The following PDE3B variants were observed in gnomAD, a reference collection of about 807,000 sequenced individuals.
PDE3B encodes cGMP-inhibited 3',5'-cyclic phosphodiesterase 3B.
Under a neutral mutation model 116.8 loss-of-function variants are expected in PDE3B, and 66 were observed. The ratio of observed to expected loss-of-function variants is 0.56; its 90% CI spans 0.46 to 0.69. The LOEUF is 0.69. Ranked by LOEUF, PDE3B falls within the 30% of genes least tolerant of loss-of-function variation. PDE3B has a pLI of 0.00. For missense variants in PDE3B, 1,384 were observed against 1,368.1 expected (o/e 1.01, Z -0.18); for synonymous variants, 595 against 533.6 (o/e 1.12, Z -1.59).
intron 1 of PDE3B, among the ~76,000 whole-genome samples, chr11:14,732,082 G>A (rs1466753275): frequency 1.3e-5 from 2 of 152,130 alleles, no homozygotes; most frequent in African/African-American, 2.4e-5. Context: ...ATGGGAAGGA[G>A]ACATGCGGAT....
At chr11:14,795,999 A>G (rs1475473889) in intron 4 of PDE3B, among the ~76,000 whole-genome samples, 2 of 151,948 alleles carry the variant, frequency 1.3e-5, no homozygotes, top group African/African-American at 4.8e-5. Context: ...TACATTAGAT[A>G]TTTCTCCTAA....
chr11:14,807,276 G>A (rs1858968601), intron 5 of PDE3B, among the ~76,000 whole-genome samples: 1 of 151,738 alleles, frequency 6.6e-6, no homozygotes, highest in African/African-American at 2.4e-5. Flanking sequence ...AAAATTGATG[G>A]GTAAACACAA....
At chr11:14,740,751 CCT>C (rs1372757901) in intron 1 of PDE3B, among the ~76,000 whole-genome samples, 1 of 151,998 alleles carries the variant, frequency 6.6e-6, no homozygotes, top group African/African-American at 2.4e-5. Context: ...TCTGTAAATT[CCT>C]CTCTAAACAC....
the PDE3B span, chr11:14,885,932 G>GA: frequency 6.2e-7 from 1 of 1,611,920 alleles, no homozygotes; most frequent in Non-Finnish European, 8.5e-7. Context: ...GAGAAGAGAA[G>GA]AAAAACAACA....
intron 1 of PDE3B, among the ~76,000 whole-genome samples, chr11:14,662,739 G>A (rs564142521): frequency 5.3e-5 from 8 of 152,268 alleles, no homozygotes; most frequent in African/African-American, 9.6e-5. Context: ...GAACTGAAGC[G>A]AGAAGGGAAG....
chr11:14,831,801 T>A (rs774230845), intron 9 of PDE3B, 24 bp downstream of exon 9: 4 of 1,550,354 alleles, frequency 2.6e-6, no homozygotes, highest in Non-Finnish European at 3.5e-6. Context: ...TATCTACTTT[T>A]TAACTGTAAA....
At chr11:14,712,603 T>G (rs1855742787) in intron 1 of PDE3B, among the ~76,000 whole-genome samples, 1 of 150,596 alleles carries the variant, frequency 6.6e-6, no homozygotes, top group East Asian at 2.0e-4. Flanking sequence ...GCCTCCCGAG[T>G]AGCTCGGCTT....
chr11:14,721,476 T>C (rs1282703983), intron 1 of PDE3B, among the ~76,000 whole-genome samples: 2 of 151,464 alleles, frequency 1.3e-5, no homozygotes, highest in African/African-American at 4.9e-5. Context: ...CATGCACACG[T>C]ATGTTTATTG....
chr11:14,784,159 C>T (rs1015807497), intron 2 of PDE3B, among the ~76,000 whole-genome samples: 2 of 152,132 alleles, frequency 1.3e-5, no homozygotes, highest in Admixed American at 6.5e-5. Flanking sequence ...TTGTGTTCCA[C>T]GAAACCTGTC....
intron 13 of PDE3B, among the ~76,000 whole-genome samples, chr11:14,859,921 C>T (rs117578716): frequency 6.6e-6 from 1 of 152,224 alleles, no homozygotes; most frequent in East Asian, 1.9e-4. Flanking sequence ...TTGAGAACCA[C>T]TGCTTTAGAT....
At chr11:14,841,157 A>C (rs922620733) in intron 11 of PDE3B, among the ~76,000 whole-genome samples, 1 of 151,956 alleles carries the variant, frequency 6.6e-6, no homozygotes, top group Non-Finnish European at 1.5e-5. Flanking sequence ...ATAGAAACAA[A>C]GAGTGACCTC....
At chr11:14,850,203 T>C in intron 12 of PDE3B, among the ~76,000 whole-genome samples, 1 of 151,874 alleles carries the variant, frequency 6.6e-6, no homozygotes, top group Non-Finnish European at 1.5e-5. Flanking sequence ...ATGGATGAAA[T>C]TGGAAATCAT....
intron 1 of PDE3B, among the ~76,000 whole-genome samples, chr11:14,662,139 T>A (rs1339654747): frequency 6.6e-6 from 1 of 152,232 alleles, no homozygotes; most frequent in East Asian, 1.9e-4. Context: ...ACAGCAACAT[T>A]CACGGTTCAC....
At chr11:14,836,403 T>C (rs1044534567) in intron 11 of PDE3B, among the ~76,000 whole-genome samples, 1 of 152,204 alleles carries the variant, frequency 6.6e-6, no homozygotes, top group Non-Finnish European at 1.5e-5. Flanking sequence ...TCATGTAATT[T>C]TTTTTTGTAT....
intron 1 of PDE3B, among the ~76,000 whole-genome samples, chr11:14,664,296 T>G (rs1854046718): frequency 6.6e-6 from 1 of 151,882 alleles, no homozygotes; most frequent in African/African-American, 2.4e-5. Context: ...TAGCAGTAAA[T>G]GCCCACAAGA....
chr11:14,844,174 C>T (rs1847537616), intron 12 of PDE3B, 148 bp downstream of exon 12: 2 of 620,444 alleles, frequency 3.2e-6, no homozygotes, highest in Admixed American at 5.6e-5. Flanking sequence ...TAACACATGG[C>T]ATTAATGTGA....
intron 12 of PDE3B, among the ~76,000 whole-genome samples, chr11:14,845,387 G>GA (rs1411738787): frequency 2.0e-5 from 3 of 152,172 alleles, no homozygotes; most frequent in South Asian, 4.1e-4. Flanking sequence ...CAAAGATGGG[G>GA]AAAAAACAGA....
At chr11:14,705,557 T>G (rs1855506663) in intron 1 of PDE3B, among the ~76,000 whole-genome samples, 1 of 151,794 alleles carries the variant, frequency 6.6e-6, no homozygotes, top group Non-Finnish European at 1.5e-5. Context: ...ATTTTAATTT[T>G]GTTGGTTGTC....
At chr11:14,691,816 A>G (rs541768181) in intron 1 of PDE3B, among the ~76,000 whole-genome samples, 65 of 152,340 alleles carry the variant, frequency 4.3e-4, no homozygotes, top group African/African-American at 1.5e-3. Context: ...TAGTGTGGTA[A>G]GGAAAGCCAG....
Sources: gnomAD v4.1 joint callset for allele counts (sites outside exome capture counted in the v4.1 genomes callset) on GRCh38, gnomAD v4.1.1 for gene constraint, MANE v1.5 for transcripts, NCBI Gene and HGNC (gene_info 2026-07-23, HGNC 2026-07-21) for gene names.